LMF1: variants seen among roughly 807,000 people sequenced by gnomAD.
The protein encoded by LMF1 is transmembrane protein 112.
Under a neutral mutation model 60.6 loss-of-function variants are expected in LMF1, and 68 were observed. That is an observed-to-expected ratio of 1.12 (90% confidence interval 0.92 to 1.37). LMF1 has a LOEUF of 1.37. LMF1 is among the 40% of genes most tolerant of loss of function. The pLI, the probability that LMF1 is intolerant of heterozygous loss-of-function variation, is 0.00. For missense variants in LMF1, 948 were observed against 767.2 expected (o/e 1.24, Z -2.78); for synonymous variants, 418 against 324.7 (o/e 1.29, Z -3.09).
intron 1 of LMF1, among the ~76,000 whole-genome samples, chr16:966,734 A>T (rs886114261): frequency 6.6e-6 from 1 of 152,098 alleles, no homozygotes; most frequent in Non-Finnish European, 1.5e-5. Flanking sequence ...GGTCACTCTC[A>T]CCTCATCAGT....
At chr16:948,452 A>AATG (rs2072314171) in intron 2 of LMF1, among the ~76,000 whole-genome samples, 2 of 151,692 alleles carry the variant, frequency 1.3e-5, no homozygotes, top group Non-Finnish European at 2.9e-5. Flanking sequence ...AGTCAGAGAC[A>AATG]ACGACAGAGT....
chr16:891,234 G>A (rs9930278), intron 5 of LMF1, among the ~76,000 whole-genome samples: 57,735 of 151,174 alleles, frequency 0.38, 12,087 homozygotes, highest in African/African-American at 0.54. Context: ...GGCATGACCC[G>A]TCCCCCAGAA....
At chr16:933,784 C>A in intron 3 of LMF1, 4 of 403,152 alleles carry the variant, frequency 9.9e-6, no homozygotes, top group Non-Finnish European at 1.3e-5. Context: ...CCTCTTCCCA[C>A]CCTCCAGTAT....
chr16:933,272 AT>A (rs1216439335), intron 3 of LMF1: 1 of 152,266 alleles, frequency 6.6e-6, no homozygotes, highest in Non-Finnish European at 1.5e-5. Flanking sequence ...AAAATCAGGA[AT>A]AAGGTTCCTT....
upstream of LMF1, chr16:975,950 G>A (rs2073129501): frequency 2.8e-6 from 1 of 357,910 alleles, no homozygotes; most frequent in African/African-American, 5.7e-5. Flanking sequence ...GCTCGGTGTT[G>A]GGAGGTTTCA....
At chr16:913,532 G>A (rs2071182342) in intron 3 of LMF1, among the ~76,000 whole-genome samples, 2 of 152,356 alleles carry the variant, frequency 1.3e-5, no homozygotes, top group South Asian at 2.1e-4. Flanking sequence ...TGCTGGTGCG[G>A]AGGAAATGCA....
chr16:902,877 G>A (rs550940637), intron 4 of LMF1, among the ~76,000 whole-genome samples: 15 of 63,982 alleles, frequency 2.3e-4, no homozygotes, highest in Admixed American at 4.4e-4. Flanking sequence ...CCCACAGGAC[G>A]CCTGTCTCTG....
chr16:875,416 G>T (rs1436600284), intron 6 of LMF1, among the ~76,000 whole-genome samples: 2 of 152,158 alleles, frequency 1.3e-5, no homozygotes, highest in African/African-American at 4.8e-5. Context: ...AATAAACAAG[G>T]ACGTTTTTGA....
chr16:971,227 G>A (rs2073046569), upstream of LMF1, among the ~76,000 whole-genome samples: 1 of 152,214 alleles, frequency 6.6e-6, no homozygotes, highest in Admixed American at 6.5e-5. Context: ...AGGGCGCGGG[G>A]CCGGGTACCT....
At chr16:933,248 C>T (rs535546555) in intron 3 of LMF1, 1 of 152,330 alleles carries the variant, frequency 6.6e-6, no homozygotes, top group South Asian at 2.1e-4. Context: ...AGGAACCTGC[C>T]TTTCAAGGTG....
intron 4 of LMF1, chr16:901,231 G>C (rs147667245): frequency 6.6e-6 from 1 of 152,170 alleles, no homozygotes; most frequent in Non-Finnish European, 1.5e-5. Context: ...CAGAACATAC[G>C]CAACCGAGAC....
chr16:971,733 G>A (rs1461828117), upstream of LMF1, among the ~76,000 whole-genome samples: 1 of 152,220 alleles, frequency 6.6e-6, no homozygotes, highest in African/African-American at 2.4e-5. Context: ...TGAAGCGGGT[G>A]CTAGGAAGGG....
chr16:881,554 G>C (rs2070163786), intron 5 of LMF1: 1 of 152,246 alleles, frequency 6.6e-6, no homozygotes, highest in African/African-American at 2.4e-5. Flanking sequence ...GAGTGAAGGG[G>C]ATGACACCTG....
At chr16:907,728 G>T (rs908559112) in intron 4 of LMF1, among the ~76,000 whole-genome samples, 10 of 152,166 alleles carry the variant, frequency 6.6e-5, no homozygotes, top group African/African-American at 2.4e-4. Context: ...CCACAGGGTG[G>T]TTCATCAGCA....
Position 934,231 on chromosome 16 carries a change from G to T in LMF1, c.514+13C>A. 6.3e-7 allele frequency: 1 copy of T among 1,599,358 alleles called. No homozygotes were observed. Among genetic ancestry groups the T allele is most frequent in the South Asian group, 1.1e-5 (1 of 91,084 alleles). ...AACTCTCGCAGAGCTTTCTCTAAAT[G>T]CATCTCACTTACCGAAAGAGTACCT... is the stretch of plus-strand genomic sequence containing the variant. On this transcript the variant is annotated intron_variant, in intron 3 of 10. Coordinates refer to ENST00000262301, the MANE Select transcript of LMF1 (RefSeq NM_022773.4).
At chr16:981,337 AGAGAGAGAGAGTGTGTGT>A (rs746933144), upstream of LMF1, 43 of 319,952 alleles carry the variant, frequency 1.3e-4, no homozygotes, top group South Asian at 4.5e-4. Context: ...AGAGAGAGAG[AGAGAGAGAGAGTGTGTGT>A]GTGTGTGTGT....
chr16:958,629 G>A (rs900408689), intron 1 of LMF1, among the ~76,000 whole-genome samples: 2 of 152,212 alleles, frequency 1.3e-5, no homozygotes, highest in East Asian at 1.9e-4. Context: ...GCTCATGCCT[G>A]TAATCCCAGC....
intron 2 of LMF1, among the ~76,000 whole-genome samples, chr16:950,033 C>T (rs1223937987): frequency 1.9e-4 from 21 of 110,412 alleles, no homozygotes; most frequent in East Asian, 2.8e-4. Flanking sequence ...AGTCAGCCAA[C>T]GACAGAGTCA....
intron 3 of LMF1, among the ~76,000 whole-genome samples, chr16:925,573 G>T (rs1395845631): frequency 1.3e-5 from 2 of 152,028 alleles, no homozygotes; most frequent in East Asian, 1.9e-4. Context: ...CTATAAAAAA[G>T]AAAATAAAAA....
Sources: allele counts gnomAD v4.1 joint callset (sites outside exome capture counted in the v4.1 genomes callset), GRCh38; gene constraint gnomAD v4.1.1; transcripts MANE v1.5; gene names NCBI Gene and HGNC (gene_info 2026-07-23, HGNC 2026-07-21).